The following ANK1 variants were observed in gnomAD, a reference collection of about 807,000 sequenced individuals.
ANK1 encodes the protein ankyrin-1.
Under a neutral mutation model 210.4 loss-of-function variants are expected in ANK1, and 51 were observed. That is an observed-to-expected ratio of 0.24 (90% CI 0.19 to 0.31). The LOEUF (loss-of-function observed/expected upper bound fraction) is 0.31, where lower values mean the gene tolerates loss of function less well. Ranked by LOEUF, ANK1 falls within the 10% of genes least tolerant of loss-of-function variation. ANK1 has a pLI of 1.00. For synonymous variants in ANK1, 967 were observed against 1,025.9 expected (o/e 0.94, Z 1.10); for missense variants, 2,051 against 2,504.4 (o/e 0.82, Z 3.86).
At chr8:41,665,641 A>G (rs1045048181) in intron 39 of ANK1, 1 of 250,822 alleles carries the variant, frequency 4.0e-6, no homozygotes, top group African/African-American at 2.3e-5. Context: ...GAGACCAGCT[A>G]ATACCCTGGG....
At chr8:41,822,142 GAAAGAAAGAA>G (rs1431228208) in intron 1 of ANK1, among the ~76,000 whole-genome samples, 1 of 45,088 alleles carries the variant, frequency 2.2e-5, no homozygotes, top group South Asian at 9.4e-4. Flanking sequence ...GAGAAAGAAA[GAAAGAAAGAA>G]AGAAAGAAAG....
At chr8:41,841,793 C>G (rs1167724223) in intron 1 of ANK1, among the ~76,000 whole-genome samples, 1 of 152,230 alleles carries the variant, frequency 6.6e-6, no homozygotes, top group African/African-American at 2.4e-5. Context: ...GGCTGCCCCT[C>G]TCTCTATTTC....
intron 1 of ANK1, among the ~76,000 whole-genome samples, chr8:41,881,473 T>C (rs549307382): frequency 6.6e-6 from 1 of 152,222 alleles, no homozygotes; most frequent in African/African-American, 2.4e-5. Flanking sequence ...CGGGAATACA[T>C]GCCTTCTGTA....
intron 18 of ANK1, 81 bp downstream of exon 18, chr8:41,706,062 T>A (rs1240121760): frequency 5.7e-6 from 8 of 1,393,312 alleles, no homozygotes; most frequent in Non-Finnish European, 8.1e-6. Context: ...GTCTTTGGGG[T>A]TTCAAAGCTC....
In ANK1 at chr8:41,843,621, G is replaced by A. The variant is rs745696289; in HGVS notation, c.126+52734C>T. Among the ~76,000 whole-genome samples, 109 of 152,250 alleles carry A rather than the reference G, an allele frequency of 7.2e-4. 1 individual carries two copies. Among genetic ancestry groups the A allele is most frequent in the Admixed American group, 1.6e-3 (25 of 15,294 alleles). The stretch of plus-strand genomic sequence containing the variant: ...TTCCTGGAAAGGCCAAACAGATAGC[G>A]GTGATAGGAATCTAGAAAAATCTCA... On this transcript the variant is annotated intron_variant, in intron 1 of 42. Coordinates refer to the ANK1 transcript ENST00000265709.
intron 1 of ANK1, among the ~76,000 whole-genome samples, chr8:41,769,977 C>CTTTTTTTTTTTTT (rs59542968): frequency 1.2e-4 from 10 of 86,656 alleles, no homozygotes; most frequent in Admixed American, 1.6e-4. Context: ...TTTCTTTTTT[C>CTTTTTTTTTTTTT]TTTTTTTTTT....
At chr8:41,658,696 G>A (rs189105730) in intron 42 of ANK1, among the ~76,000 whole-genome samples, 19 of 152,220 alleles carry the variant, frequency 1.2e-4, no homozygotes, top group African/African-American at 4.6e-4. Context: ...AGCTCGAGAC[G>A]AGCCTGACCA....
chr8:41,834,224 G>A (rs1269316937), intron 1 of ANK1, among the ~76,000 whole-genome samples: 6 of 152,198 alleles, frequency 3.9e-5, no homozygotes, highest in African/African-American at 1.2e-4. Flanking sequence ...TCTGGCTGCC[G>A]AGGCCTCCAC....
At chr8:41,844,151 G>T (rs941890323) in intron 1 of ANK1, among the ~76,000 whole-genome samples, 1 of 152,224 alleles carries the variant, frequency 6.6e-6, no homozygotes, top group Non-Finnish European at 1.5e-5. Flanking sequence ...GGGATTACAA[G>T]CGTGAGCCAC....
intron 7 of ANK1, among the ~76,000 whole-genome samples, chr8:41,724,040 G>A (rs191361453): frequency 0.012 from 1,894 of 151,860 alleles, 48 homozygotes; most frequent in African/African-American, 0.042. Context: ...CGCCCGTCTC[G>A]GCCTCCCAAA....
intron 26 of ANK1, 142 bp downstream of exon 26, chr8:41,696,221 C>G: frequency 1.1e-6 from 1 of 907,128 alleles, no homozygotes; most frequent in Non-Finnish European, 1.7e-6. Flanking sequence ...CCTCTCAGGG[C>G]TATGGACACC....
At chr8:41,765,975 C>G (rs1443049938) in intron 1 of ANK1, among the ~76,000 whole-genome samples, 1 of 152,066 alleles carries the variant, frequency 6.6e-6, no homozygotes, top group African/African-American at 2.4e-5. Context: ...CTAAGTTTTC[C>G]CTAGGACAAA....
intron 1 of ANK1, among the ~76,000 whole-genome samples, chr8:41,783,634 T>C (rs561633378): frequency 2.4e-4 from 36 of 152,172 alleles, no homozygotes; most frequent in Non-Finnish European, 1.5e-5. Context: ...GACACTGCAT[T>C]TCCCAAAATG....
chr8:41,862,737 C>T (rs1173971879), intron 1 of ANK1, among the ~76,000 whole-genome samples: 2 of 151,176 alleles, frequency 1.3e-5, no homozygotes, highest in Admixed American at 1.3e-4. Flanking sequence ...AGGCCAGGTG[C>T]GGTGGCTCAC....
intron 36 of ANK1, among the ~76,000 whole-genome samples, chr8:41,685,609 G>A (rs1817497428): frequency 1.3e-5 from 2 of 151,824 alleles, no homozygotes; most frequent in Non-Finnish European, 2.9e-5. Flanking sequence ...CTGCACAGAT[G>A]TTGTCATCTA....
chr8:41,804,994 T>G (rs1416150513), intron 1 of ANK1, among the ~76,000 whole-genome samples: 1 of 152,146 alleles, frequency 6.6e-6, no homozygotes, highest in African/African-American at 2.4e-5. Context: ...GAACTCAAAC[T>G]TTTTTATCTC....
At chr8:41,735,409 G>A (rs747841109) in intron 2 of ANK1, among the ~76,000 whole-genome samples, 4 of 151,970 alleles carry the variant, frequency 2.6e-5, no homozygotes, top group Non-Finnish European at 5.9e-5. Flanking sequence ...TTCCCCTCCT[G>A]TCCTCCTCCT....
chr8:41,710,225 C>T (rs1825766819), intron 16 of ANK1, among the ~76,000 whole-genome samples: 1 of 152,218 alleles, frequency 6.6e-6, no homozygotes, highest in Admixed American at 6.5e-5. Context: ...CCGAAAACCA[C>T]TTTCACCTGC....
At chr8:41,790,237 C>T (rs1847355937) in intron 1 of ANK1, among the ~76,000 whole-genome samples, 1 of 151,718 alleles carries the variant, frequency 6.6e-6, no homozygotes, top group Admixed American at 6.6e-5. Flanking sequence ...ACCTCTGCCT[C>T]CTGGGTTCAA....
Sources: allele counts gnomAD v4.1 joint callset (sites outside exome capture counted in the v4.1 genomes callset), GRCh38; gene constraint gnomAD v4.1.1; transcripts MANE v1.5; gene names NCBI Gene and HGNC (gene_info 2026-07-23, HGNC 2026-07-21).